Variants in PHKB observed in about 807,000 individuals in gnomAD.
The protein encoded by PHKB is phosphorylase kinase regulatory subunit beta.
PHKB carries 122 observed loss-of-function variants against 152.1 expected under a neutral mutation model. The observed-to-expected ratio is 0.80, with a 90% CI of 0.69 to 0.93. The LOEUF (loss-of-function observed/expected upper bound fraction) is 0.93, where lower values mean the gene tolerates loss of function less well. Among genes scored for constraint, PHKB ranks in the 40% least tolerant of loss-of-function variants. The pLI is 0.00. For synonymous variants in PHKB, 436 were observed against 464.9 expected, an observed-to-expected ratio of 0.94 and a Z score of 0.80; for missense variants, 1,304 against 1,328.4, an observed-to-expected ratio of 0.98 and a Z score of 0.29.
chr16:47,601,851 T>G (rs932500957), intron 13 of PHKB, among the ~76,000 whole-genome samples: 4 of 152,212 alleles, frequency 2.6e-5, no homozygotes, highest in Non-Finnish European at 5.9e-5. Flanking sequence ...GATTAGAACT[T>G]TACATATTGT....
intron 16 of PHKB, among the ~76,000 whole-genome samples, chr16:47,645,008 C>T (rs2151728231): frequency 6.6e-6 from 1 of 152,298 alleles, no homozygotes. Context: ...AGGGGCAATA[C>T]TCTTAATATA....
intron 7 of PHKB, among the ~76,000 whole-genome samples, chr16:47,568,761 CTT>C (rs1200888839): frequency 6.6e-6 from 1 of 152,064 alleles, no homozygotes; most frequent in Non-Finnish European, 1.5e-5. Context: ...AAAATTTCAT[CTT>C]GATTATATTG....
At chr16:47,581,431 G>C (rs1203091471) in intron 8 of PHKB, among the ~76,000 whole-genome samples, 3 of 152,154 alleles carry the variant, frequency 2.0e-5, no homozygotes, top group Non-Finnish European at 4.4e-5. Flanking sequence ...ACAGGAGTAG[G>C]AGGATAAAAT....
intron 14 of PHKB, among the ~76,000 whole-genome samples, chr16:47,640,263 A>C (rs1972993918): frequency 6.6e-6 from 1 of 152,204 alleles, no homozygotes; most frequent in Non-Finnish European, 1.5e-5. Context: ...CATTACTATA[A>C]AAGAGTTATG....
At chr16:47,479,534 C>T (rs921450229) in intron 1 of PHKB, among the ~76,000 whole-genome samples, 4 of 150,874 alleles carry the variant, frequency 2.7e-5, no homozygotes, top group African/African-American at 4.9e-5. Flanking sequence ...TCCAGTTAAG[C>T]GGGTTTGGGA....
Position 47,499,870 on chromosome 16 carries a change from C to T in PHKB, c.281C>T (p.Ala94Val). The T allele has an allele frequency of 6.2e-7, 1 of 1,614,090 alleles. No individual in the cohort carries two copies. The highest frequency in any genetic ancestry group is 1.3e-5 in the African/African-American group (1 of 75,034). Residue 94 changes from alanine (A) to valine (V), a missense_variant, in exon 3 of 31, where the codon GCC becomes GTC. Coordinates refer to ENST00000323584, the MANE Select transcript of PHKB (RefSeq NM_000293.3). ...GACAGCCTATACTGCGCTGCTGGGG[C>T]CTGGGCTTTGGCTCTTGCATACAGG... ...IQDSLYCAAG[A>V]WALALAYRRI...
chr16:47,681,583 G>A (rs1479391220), intron 26 of PHKB, among the ~76,000 whole-genome samples: 3 of 151,920 alleles, frequency 2.0e-5, no homozygotes, highest in Non-Finnish European at 2.9e-5. Context: ...TCAGAGACTA[G>A]GATTGCAACC....
chr16:47,666,127 A>G (rs897274471), intron 25 of PHKB: 2 of 834,574 alleles, frequency 2.4e-6, no homozygotes, highest in South Asian at 2.8e-5. Context: ...TCAATGTCAT[A>G]GGCCTCTTAC....
chr16:47,537,503 A>G (rs1431021111), intron 6 of PHKB, among the ~76,000 whole-genome samples: 1 of 152,218 alleles, frequency 6.6e-6, no homozygotes, highest in Non-Finnish European at 1.5e-5. Context: ...TTTTCTTCAG[A>G]AAACTGGCCC....
intron 29 of PHKB, among the ~76,000 whole-genome samples, chr16:47,696,771 C>T (rs1268577289): frequency 6.6e-6 from 1 of 152,188 alleles, no homozygotes; most frequent in African/African-American, 2.4e-5. Flanking sequence ...GCCACACAAT[C>T]ACCCCTTAGC....
chr16:47,586,591 G>T (rs1971939145), intron 8 of PHKB, among the ~76,000 whole-genome samples: 1 of 152,190 alleles, frequency 6.6e-6, no homozygotes. Flanking sequence ...GTCTGGTGCT[G>T]CTAGATTTTG....
intron 26 of PHKB, among the ~76,000 whole-genome samples, chr16:47,683,723 A>G (rs949122268): frequency 2.6e-5 from 4 of 152,178 alleles, no homozygotes; most frequent in East Asian, 1.9e-4. Flanking sequence ...AAGTGAGGCA[A>G]TGCCTCGCCC....
intron 14 of PHKB, among the ~76,000 whole-genome samples, chr16:47,624,652 T>A (rs1277127916): frequency 6.6e-6 from 1 of 152,186 alleles, no homozygotes; most frequent in African/African-American, 2.4e-5. Context: ...TCCTCTATAT[T>A]TTGTACCTTT....
chr16:47,650,999 T>A, intron 20 of PHKB, 78 bp downstream of exon 20: 1 of 1,042,604 alleles, frequency 9.6e-7, no homozygotes, highest in Non-Finnish European at 1.5e-6. Flanking sequence ...TAATGTATGG[T>A]CTATTTAAGG....
chr16:47,493,120 C>T (rs1970178102), intron 1 of PHKB, among the ~76,000 whole-genome samples: 1 of 152,172 alleles, frequency 6.6e-6, no homozygotes, highest in South Asian at 2.1e-4. Context: ...TGAGGCTCCA[C>T]CCCGTTGCAC....
At chr16:47,565,705 T>C (rs966098625) in intron 7 of PHKB, 1 of 1,454,980 alleles carries the variant, frequency 6.9e-7, no homozygotes, top group Non-Finnish European at 9.6e-7. Flanking sequence ...TTTGGGTGTC[T>C]CTCCCGAGGC....
At chr16:47,622,724 G>A (rs1248807219) in intron 14 of PHKB, among the ~76,000 whole-genome samples, 1 of 152,118 alleles carries the variant, frequency 6.6e-6, no homozygotes, top group Non-Finnish European at 1.5e-5. Context: ...TGAAAGGAAT[G>A]CTTTTTAGTC....
chr16:47,658,808 CAG>C (rs1491361534), intron 20 of PHKB, among the ~76,000 whole-genome samples: 12 of 91,390 alleles, frequency 1.3e-4, no homozygotes, highest in African/African-American at 4.8e-4. Flanking sequence ...CAATGCATGA[CAG>C]TGTGTGTGTG....
intron 4 of PHKB, among the ~76,000 whole-genome samples, chr16:47,507,043 A>G (rs2151647123): frequency 6.6e-6 from 1 of 152,264 alleles, no homozygotes; most frequent in South Asian, 2.1e-4. Flanking sequence ...GTGTAATCAC[A>G]GCTCACTGCA....
Sources: allele counts gnomAD v4.1 joint callset (sites outside exome capture counted in the v4.1 genomes callset), GRCh38; gene constraint gnomAD v4.1.1; transcripts MANE v1.5; gene names NCBI Gene and HGNC (gene_info 2026-07-23, HGNC 2026-07-21).